LIPA: variants seen among roughly 807,000 people sequenced by gnomAD.
LIPA encodes the protein lipase A, lysosomal acid type.
In LIPA, 26 loss-of-function variants were observed where a neutral mutation model predicts 40.6. The observed-to-expected ratio is 0.64, with a 90% confidence interval of 0.47 to 0.89. LIPA has a LOEUF of 0.89. Ranked by LOEUF, LIPA falls within the 40% of genes least tolerant of loss-of-function variation. LIPA has a pLI of 0.00. For missense variants in LIPA, 455 were observed against 479.6 expected (o/e 0.95, Z 0.48); for synonymous variants, 188 against 168.4 (o/e 1.12, Z -0.90).
chr10:89,255,483 A>C (rs1423823745), upstream of LIPA, among the ~76,000 whole-genome samples: 1 of 152,234 alleles, frequency 6.6e-6, no homozygotes, highest in African/African-American at 2.4e-5. Flanking sequence ...ACAATTCAAG[A>C]TAATGATTTG....
intron 2 of LIPA, among the ~76,000 whole-genome samples, chr10:89,356,722 T>A (rs1348294184): frequency 6.6e-6 from 1 of 152,188 alleles, no homozygotes; most frequent in East Asian, 1.9e-4. Flanking sequence ...TATTACAATG[T>A]AATAATAATA....
At chr10:89,248,199 T>A (rs1469014391) in intron 1 of LIPA, among the ~76,000 whole-genome samples, 1 of 150,922 alleles carries the variant, frequency 6.6e-6, no homozygotes, top group Non-Finnish European at 1.5e-5. Context: ...TCTCGCTCTG[T>A]TGCCCAGGCT....
chr10:89,219,157 G>A (rs1842664801), intron 8 of LIPA, among the ~76,000 whole-genome samples: 1 of 151,638 alleles, frequency 6.6e-6, no homozygotes, highest in South Asian at 2.1e-4. Context: ...CCAAAAGTAT[G>A]TTTTTTCCTT....
At chr10:89,321,097 C>T (rs12357387) in intron 1 of LIPA, among the ~76,000 whole-genome samples, 31,023 of 150,704 alleles carry the variant, frequency 0.21, 3,357 homozygotes, top group East Asian at 0.6. Context: ...AAATGTTAGA[C>T]CTAAAACCAT....
At chr10:89,334,146 T>A (rs2133549723) in intron 1 of LIPA, among the ~76,000 whole-genome samples, 1 of 152,346 alleles carries the variant, frequency 6.6e-6, no homozygotes, top group Middle Eastern at 3.4e-3. Flanking sequence ...TTCAAGATTC[T>A]ACTCTAGTAA....
intron 1 of LIPA, among the ~76,000 whole-genome samples, chr10:89,316,801 G>A (rs569189681): frequency 2.0e-5 from 3 of 152,352 alleles, no homozygotes; most frequent in South Asian, 4.1e-4. Flanking sequence ...TCCTCCCTGA[G>A]TAGCCTAACT....
intron 1 of LIPA, among the ~76,000 whole-genome samples, chr10:89,260,636 T>G (rs1843202950): frequency 6.6e-6 from 1 of 152,126 alleles, no homozygotes; most frequent in South Asian, 2.1e-4. Flanking sequence ...CCTCAGAGTC[T>G]CACAGGCCTT....
chr10:89,338,680 C>T, intron 1 of LIPA: 1 of 1,612,596 alleles, frequency 6.2e-7, no homozygotes, highest in Non-Finnish European at 8.5e-7. Context: ...CAAGAATTCC[C>T]TGGAGAAAAT....
intron 2 of LIPA, among the ~76,000 whole-genome samples, 159 bp downstream of exon 2, chr10:89,247,379 C>CA (rs71022556): frequency 0.012 from 897 of 75,412 alleles, 41 homozygotes; most frequent in East Asian, 0.028. Context: ...GACTCTGCCT[C>CA]AAAAAAAAAA....
rs1199767310 is a variant in LIPA at position 89,393,283 on chromosome 10, C to T, written c.61+19508G>A. 5.4e-6 allele frequency: 7 copies of T among 1,289,482 alleles called. No individual in the cohort carries two copies. The African/African-American group carries it at 1.1e-4, about 20-fold the overall frequency. The allele number at this position is 1,289,482 out of a possible 1,614,324, so 79.9% of individuals were successfully genotyped here. A position where few individuals can be genotyped will look rare whatever the true frequency, so the allele number is the denominator to read the frequency against. On this transcript the variant is annotated intron_variant, in intron 2 of 8. Coordinates refer to the LIPA transcript ENST00000371837. ...GCTGGCCTCTTACAACAGGTTTTCG[C>T]AATCAGGCTGAGCTTAAGATAAACA...
At chr10:89,215,820 G>C (rs537038628) in intron 9 of LIPA, 118 bp downstream of exon 9, 20 of 789,438 alleles carry the variant, frequency 2.5e-5, no homozygotes, top group South Asian at 2.2e-4. Context: ...ACAAACACTA[G>C]TCAACTCCTG....
chr10:89,217,952 TAAATATAAATA>T (rs1842648805), intron 8 of LIPA, among the ~76,000 whole-genome samples: 1 of 152,106 alleles, frequency 6.6e-6, no homozygotes, highest in Admixed American at 6.6e-5. Flanking sequence ...GCCACTGTCA[TAAATATAAATA>T]AAATACAAAC....
chr10:89,305,927 T>C, intron 1 of LIPA: 1 of 1,441,248 alleles, frequency 6.9e-7, no homozygotes, highest in Non-Finnish European at 9.6e-7. Flanking sequence ...TATAAATCTG[T>C]GTCTCAAAGT....
intron 1 of LIPA, among the ~76,000 whole-genome samples, chr10:89,289,889 ACTCT>A (rs1454408878): frequency 6.7e-6 from 1 of 149,880 alleles, no homozygotes; most frequent in African/African-American, 2.5e-5. Flanking sequence ...AATCTCAGTC[ACTCT>A]CTCCTAGCCA....
chr10:89,284,417 A>C (rs2133500368), intron 1 of LIPA: 1 of 152,266 alleles, frequency 6.6e-6, no homozygotes, highest in South Asian at 2.1e-4. Context: ...CAGGCACTAA[A>C]CCAGCATCTA....
chr10:89,249,765 G>C (rs919067190), intron 1 of LIPA, among the ~76,000 whole-genome samples: 1 of 152,196 alleles, frequency 6.6e-6, no homozygotes, highest in African/African-American at 2.4e-5. Flanking sequence ...AAAGGGGTAT[G>C]CACAAATAAT....
intron 1 of LIPA, among the ~76,000 whole-genome samples, chr10:89,323,796 A>G (rs1843583436): frequency 6.6e-6 from 1 of 152,256 alleles, no homozygotes; most frequent in Non-Finnish European, 1.5e-5. Context: ...TGACACAAAC[A>G]AATGGAAATG....
chr10:89,363,078 C>T (rs576117405), intron 2 of LIPA: 11 of 225,762 alleles, frequency 4.9e-5, no homozygotes, highest in African/African-American at 1.8e-4. Flanking sequence ...ATATGCAGCC[C>T]AGTTTTATCA....
rs1390643649 is a variant in LIPA at position 89,338,681 on chromosome 10, T to C, written c.-2+3930A>G. The C allele has an allele frequency of 1.2e-6, 2 of 1,612,668 alleles. No homozygotes were observed. The highest frequency in any genetic ancestry group is 2.2e-5 in the East Asian group (1 of 44,870). On this transcript the variant is annotated intron_variant, in intron 1 of 5. Transcript: ENST00000282673. ...CACAGTGAGGTCACCAAGAATTCCCTGGAGAAAATCCTTCCACAGCTGAAA... is the reference window on the plus strand; with the variant it reads ...CACAGTGAGGTCACCAAGAATTCCCCGGAGAAAATCCTTCCACAGCTGAAA...
Sources: allele counts gnomAD v4.1 joint callset (sites outside exome capture counted in the v4.1 genomes callset), GRCh38; gene constraint gnomAD v4.1.1; transcripts MANE v1.5; gene names NCBI Gene and HGNC (gene_info 2026-07-23, HGNC 2026-07-21).